Variants in SDK1 observed in about 807,000 individuals in gnomAD.
SDK1 encodes the protein protein sidekick-1.
Under a neutral mutation model 245.5 loss-of-function variants are expected in SDK1, and 157 were observed. The observed-to-expected ratio is 0.64, with a 90% CI of 0.56 to 0.73. SDK1 has a LOEUF of 0.73. Ranked by LOEUF, SDK1 falls within the 30% of genes least tolerant of loss-of-function variation. The pLI is 0.00. For synonymous variants in SDK1, 1,647 were observed against 1,278.5 expected, an observed-to-expected ratio of 1.29 and a Z score of -6.15; for missense variants, 3,583 against 3,002.3, an observed-to-expected ratio of 1.19 and a Z score of -4.52.
chr7:3,521,389 T>TTG (rs1486148389), intron 1 of SDK1, among the ~76,000 whole-genome samples: 1 of 151,782 alleles, frequency 6.6e-6, no homozygotes, highest in South Asian at 2.1e-4. Context: ...TGGACATCTT[T>TTG]TGGGGGCCAC....
rs367915297 is a variant in SDK1 at position 3,950,964 on chromosome 7, G to A, written c.889G>A (p.Val297Ile). Reference protein sequence around the residue: ...TPETMAPTIVVPPGNRSVVAG... With the variant: ...TPETMAPTIVIPPGNRSVVAG... ...TGAAACCATGGCCCCAACCATTGTG[G>A]TTCCCCCGGGCAACAGAAGTGTGGT... Residue 297 changes from valine to isoleucine, a missense_variant, in exon 6 of 45, where the codon GTT (valine) becomes ATT (isoleucine). Transcript: ENST00000404826. 1.2e-6 allele frequency: 2 copies of A among 1,614,066 alleles called. No homozygotes were observed. Among genetic ancestry groups the A allele is most frequent in the Non-Finnish European group, 1.7e-6 (2 of 1,179,992 alleles).
rs1313288293 is a variant in SDK1 at position 4,007,510 on chromosome 7, T to A, written c.2132-3456T>A. On this transcript the variant is annotated intron_variant, in intron 14 of 44. Transcript: ENST00000404826. The stretch of plus-strand genomic sequence containing the variant: ...AGGGAGAGCAAGCTGTCCAGCACCC[T>A]GGGCCAAGCTTACAGCTAGATGCTT... Among the ~76,000 whole-genome samples, 3 of 152,110 alleles carry A rather than the reference T, an allele frequency of 2.0e-5. No homozygotes were observed. The East Asian group carries it at 5.8e-4, about 29-fold the overall frequency.
At chr7:3,702,232 A>G (rs934023664) in intron 4 of SDK1, among the ~76,000 whole-genome samples, 1 of 152,234 alleles carries the variant, frequency 6.6e-6, no homozygotes, top group Non-Finnish European at 1.5e-5. Context: ...TACATATTTG[A>G]GAAAGTGGCC....
Position 4,210,086 on chromosome 7 carries a change from C to G in SDK1, c.5463C>G (p.Ser1821=). 2 of 1,610,858 alleles carry G rather than the reference C, an allele frequency of 1.2e-6. No individual in the cohort carries two copies. The highest frequency in any genetic ancestry group is 1.7e-6 in the Non-Finnish European group (2 of 1,178,796). The change falls in exon 38 of 45, where the codon TCC becomes TCG. Residue 1821 remains serine (S), a synonymous_variant. Transcript: ENST00000404826. ...TAACCTCCACCACGCTCAACGTGTC[C>G]TGGGGCGAGCCTGCGGCGGCCAACG... The part of the protein sequence containing the change: ...SEITSTTLNV[S]WGEPAAANGI...
chr7:3,668,500 G>T (rs990602899), intron 4 of SDK1, among the ~76,000 whole-genome samples: 7 of 152,218 alleles, frequency 4.6e-5, no homozygotes, highest in Admixed American at 2.6e-4. Flanking sequence ...CTTGGGCCTG[G>T]TGCAGTGGCT....
chr7:3,623,157 C>T (rs1306883827), intron 2 of SDK1, among the ~76,000 whole-genome samples: 1 of 151,786 alleles, frequency 6.6e-6, no homozygotes. Flanking sequence ...AAATACTACA[C>T]ATTTACTTTT....
In SDK1 at chr7:3,459,110, A is replaced by T. The variant is rs1048356464; in HGVS notation, c.298+157226A>T. On this transcript the variant is annotated intron_variant, in intron 1 of 44. Transcript: ENST00000404826. ...TTGACCTGGGACAATTGACATCATT[A>T]TAGTATTGTATCTTCTAACCTATGA... is the stretch of plus-strand genomic sequence containing the variant. 4.5e-4 allele frequency among the ~76,000 whole-genome samples: 68 copies of T among 152,178 alleles called. 1 individual carries two copies. The highest frequency in any genetic ancestry group is 8.8e-4 in the Non-Finnish European group (60 of 68,032).
intron 4 of SDK1, among the ~76,000 whole-genome samples, chr7:3,721,248 C>A (rs1778784684): frequency 1.3e-5 from 2 of 152,148 alleles, no homozygotes; most frequent in African/African-American, 2.4e-5. Flanking sequence ...TATTTACACC[C>A]ATCCATGAGT....
At chr7:3,320,205 G>C (rs559876367) in intron 1 of SDK1, among the ~76,000 whole-genome samples, 1 of 152,142 alleles carries the variant, frequency 6.6e-6, no homozygotes, top group East Asian at 1.9e-4. Flanking sequence ...CGCTGAAGGA[G>C]GTGAGCATTC....
In SDK1 at chr7:4,245,664, T is replaced by G. The variant is rs1435354499; in HGVS notation, c.6252-12T>G. 6.2e-7 allele frequency: 1 copy of G among 1,612,858 alleles called. No homozygotes were observed. Among genetic ancestry groups the G allele is most frequent in the Non-Finnish European group, 8.5e-7 (1 of 1,179,414 alleles). On this transcript the variant is annotated splice_polypyrimidine_tract_variant and intron_variant, in intron 43 of 44. Transcript: ENST00000404826. ...GCCCAGAGGGTAATTGCAGCATGGG[T>G]CCTCATCCTAGGTCCCCACCCCGGC...
intron 12 of SDK1, among the ~76,000 whole-genome samples, chr7:3,972,163 T>G (rs938638809): frequency 6.7e-6 from 1 of 149,040 alleles, no homozygotes; most frequent in South Asian, 2.1e-4. Context: ...CACTGCAAGC[T>G]CCACCTCCCG....
Position 4,079,550 on chromosome 7 carries a change from A to G in SDK1, c.3290A>G (p.Lys1097Arg), listed in dbSNP as rs1292273098. 1 of 1,614,224 alleles carries G rather than the reference A, an allele frequency of 6.2e-7. No homozygotes were observed. Among genetic ancestry groups the G allele is most frequent in the Non-Finnish European group, 8.5e-7 (1 of 1,180,038 alleles). The change falls in exon 22 of 45, where the codon AAA becomes AGA. Residue 1097 changes from lysine (K) to arginine (R), a missense_variant. By Grantham distance (26) the Lys-to-Arg change is conservative. Transcript: ENST00000404826. ...TLQFRPGYDG[K>R]TSISRWIVEG... ...CAGTTCCGGCCAGGCTATGACGGGA[A>G]AACGTCCATCTCCAGGTGGATTGTT...
intron 1 of SDK1, among the ~76,000 whole-genome samples, chr7:3,483,781 A>G (rs1268117155): frequency 6.6e-6 from 1 of 152,160 alleles, no homozygotes; most frequent in African/African-American, 2.4e-5. Context: ...TAGTTACATG[A>G]TGTTTCTCCT....
At chr7:3,498,345 T>G (rs1032268201) in intron 1 of SDK1, among the ~76,000 whole-genome samples, 2 of 152,212 alleles carry the variant, frequency 1.3e-5, no homozygotes, top group Non-Finnish European at 1.5e-5. Flanking sequence ...TTAGAAACTT[T>G]TAGGCTAGTT....
intron 1 of SDK1, among the ~76,000 whole-genome samples, chr7:3,432,928 G>A (rs920310879): frequency 3.3e-5 from 5 of 152,230 alleles, no homozygotes; most frequent in African/African-American, 9.6e-5. Context: ...TTCATAGCAT[G>A]TTATTACTAA....
intron 5 of SDK1, among the ~76,000 whole-genome samples, chr7:3,862,672 C>G (rs774884045): frequency 1.3e-5 from 2 of 152,096 alleles, no homozygotes; most frequent in Non-Finnish European, 2.9e-5. Flanking sequence ...CTTTTTAATA[C>G]GTCAGGCTTT....
chr7:3,945,765 G>A (rs931383312), intron 5 of SDK1, among the ~76,000 whole-genome samples: 4 of 151,650 alleles, frequency 2.6e-5, no homozygotes, highest in African/African-American at 4.8e-5. Flanking sequence ...CAGGCGTGAT[G>A]GCAGGAGCCC....
intron 8 of SDK1, 143 bp from the exon 9 acceptor site, chr7:3,962,514 G>T (rs889756761): frequency 1.1e-4 from 75 of 683,606 alleles, no homozygotes; most frequent in Non-Finnish European, 1.5e-4. Flanking sequence ...GAGAAAAATA[G>T]CTCCTTATAG....
Position 3,969,273 on chromosome 7 carries a change from C to G in SDK1, c.1563C>G (p.Ala521=). The change falls in exon 11 of 45, where the codon GCC becomes GCG. Residue 521 remains alanine, a synonymous_variant. Transcript: ENST00000404826. Reference sequence around the variant, plus strand: ...GTTCTTTAGAAAACCACATTCTGGCCAGTGGCTCTGTCCGGATTCCTAGGT... The same window carrying G: ...GTTCTTTAGAAAACCACATTCTGGCGAGTGGCTCTGTCCGGATTCCTAGGT... ...ITWKRENHIL[A]SGSVRIPRFM... 1.2e-6 allele frequency: 2 copies of G among 1,602,270 alleles called. No homozygotes were observed. The highest frequency in any genetic ancestry group is 1.7e-6 in the Non-Finnish European group (2 of 1,174,390).
Sources: allele counts gnomAD v4.1 joint callset (sites outside exome capture counted in the v4.1 genomes callset), GRCh38; gene constraint gnomAD v4.1.1; transcripts MANE v1.5; gene names NCBI Gene and HGNC (gene_info 2026-07-23, HGNC 2026-07-21).